Variants in WWOX observed in about 807,000 individuals in gnomAD.
The protein encoded by WWOX is WW domain containing oxidoreductase.
WWOX carries 69 observed loss-of-function variants against 46.2 expected under a neutral mutation model. The observed-to-expected ratio is 1.49, with a 90% CI of 1.23 to 1.82. WWOX has a LOEUF of 1.82. WWOX is among the 40% of genes most tolerant of loss of function. WWOX has a pLI of 0.00. For missense variants in WWOX, 919 were observed against 542.6 expected (o/e 1.69, Z -6.89); for synonymous variants, 359 against 202.6 (o/e 1.77, Z -6.56).
At chr16:78,414,414 C>A (rs370440212) in intron 6 of WWOX, among the ~76,000 whole-genome samples, 1 of 152,102 alleles carries the variant, frequency 6.6e-6, no homozygotes, top group African/African-American at 2.4e-5. Context: ...ACTAAAAATA[C>A]AAAAATTAGC....
chr16:79,175,219 A>G (rs1213525215), intron 8 of WWOX, among the ~76,000 whole-genome samples: 1 of 152,226 alleles, frequency 6.6e-6, no homozygotes, highest in East Asian at 1.9e-4. Context: ...GAACGAAGGC[A>G]TTTGAAAATT....
chr16:78,582,091 T>C (rs1404162806), intron 8 of WWOX, among the ~76,000 whole-genome samples: 1 of 152,224 alleles, frequency 6.6e-6, no homozygotes, highest in Admixed American at 6.5e-5. Flanking sequence ...ATCTTTGGTT[T>C]CTCTGCTCTA....
At chr16:78,467,092 A>C (rs76787879) in intron 8 of WWOX, among the ~76,000 whole-genome samples, 4,066 of 152,316 alleles carry the variant, frequency 0.027, 204 homozygotes, top group African/African-American at 0.094. Flanking sequence ...TAATGTATAC[A>C]TTGAAAAATC....
intron 8 of WWOX, among the ~76,000 whole-genome samples, chr16:78,965,967 G>T (rs927833396): frequency 6.6e-6 from 1 of 152,132 alleles, no homozygotes; most frequent in Non-Finnish European, 1.5e-5. Context: ...TTGGAGGAAG[G>T]AGATGCTGTG....
At chr16:78,901,441 C>A (rs892878588) in intron 8 of WWOX, among the ~76,000 whole-genome samples, 1 of 152,150 alleles carries the variant, frequency 6.6e-6, no homozygotes, top group Admixed American at 6.5e-5. Context: ...ACTTCTGTTT[C>A]ATTTTCTGTT....
Position 78,408,168 on chromosome 16 carries a change from A to C in WWOX, c.606-16702A>C, listed in dbSNP as rs146489870. Among the ~76,000 whole-genome samples the C allele has an allele frequency of 3.4e-3, 525 of 152,312 alleles. 2 individuals carry two copies. The highest frequency in any genetic ancestry group is 5.7e-3 in the Non-Finnish European group (390 of 68,030). On this transcript the variant is annotated intron_variant, in intron 6 of 8. Coordinates refer to ENST00000566780, the MANE Select transcript of WWOX (RefSeq NM_016373.4). Reference sequence around the variant, plus strand: ...AAGCTACAAGTTAAATCCTCGGACCAGATTGAGAACTTGTCTTCTTACTTG... The same window carrying C: ...AAGCTACAAGTTAAATCCTCGGACCCGATTGAGAACTTGTCTTCTTACTTG...
chr16:78,553,035 C>T (rs1413234685), intron 8 of WWOX: 1 of 152,174 alleles, frequency 6.6e-6, no homozygotes, highest in Non-Finnish European at 1.5e-5. Context: ...AACAGAAAAC[C>T]AAATACCGCA....
intron 8 of WWOX, among the ~76,000 whole-genome samples, chr16:78,523,209 T>G (rs1766066061): frequency 6.6e-6 from 1 of 152,354 alleles, no homozygotes. Context: ...AATTACCATC[T>G]TCATTTAAAG....
chr16:78,940,951 C>T (rs1296368470), intron 8 of WWOX, among the ~76,000 whole-genome samples: 1 of 151,914 alleles, frequency 6.6e-6, no homozygotes, highest in African/African-American at 2.4e-5. Context: ...GCCCCCCCAC[C>T]CCATCCCACT....
At chr16:78,923,407 A>G (rs564472220) in intron 8 of WWOX, among the ~76,000 whole-genome samples, 7 of 152,170 alleles carry the variant, frequency 4.6e-5, no homozygotes, top group East Asian at 1.9e-4. Flanking sequence ...ATTTTCTTCT[A>G]TATAAGTCCC....
intron 8 of WWOX, among the ~76,000 whole-genome samples, chr16:78,824,592 C>T (rs2051597057): frequency 6.6e-6 from 1 of 152,004 alleles, no homozygotes; most frequent in Non-Finnish European, 1.5e-5. Context: ...GCTGGGGAGG[C>T]CTCAGAATCA....
chr16:78,526,767 G>C (rs1193055897), intron 8 of WWOX, among the ~76,000 whole-genome samples: 3 of 152,174 alleles, frequency 2.0e-5, no homozygotes, highest in East Asian at 3.9e-4. Context: ...GGGCAACAGG[G>C]GCAGTGGGTC....
intron 8 of WWOX, among the ~76,000 whole-genome samples, chr16:78,523,116 G>A (rs936227064): frequency 3.3e-5 from 5 of 152,076 alleles, no homozygotes; most frequent in African/African-American, 9.7e-5. Flanking sequence ...ACACTGGTAC[G>A]AGAAGAAATT....
intron 8 of WWOX, among the ~76,000 whole-genome samples, chr16:79,165,182 T>A (rs1421733277): frequency 5.3e-5 from 8 of 151,146 alleles, no homozygotes; most frequent in Non-Finnish European, 1.2e-4. Context: ...TAAATCTCCC[T>A]GGACATGAAC....
chr16:78,307,997 G>A (rs2080164795), intron 5 of WWOX, among the ~76,000 whole-genome samples: 1 of 152,202 alleles, frequency 6.6e-6, no homozygotes, highest in Non-Finnish European at 1.5e-5. Context: ...GCAGCTGATG[G>A]AGGAAGGGGG....
chr16:79,089,897 C>T (rs1421910604), intron 8 of WWOX, among the ~76,000 whole-genome samples: 5 of 150,204 alleles, frequency 3.3e-5, no homozygotes, highest in Admixed American at 1.3e-4. Context: ...GGCTTGGGTG[C>T]CTGAGAAAAA....
chr16:79,194,327 G>A (rs1399799470), intron 8 of WWOX, among the ~76,000 whole-genome samples: 2 of 152,158 alleles, frequency 1.3e-5, no homozygotes, highest in East Asian at 3.8e-4. Flanking sequence ...TCCTTTTAGA[G>A]AAATATTCTC....
intron 8 of WWOX, among the ~76,000 whole-genome samples, chr16:78,668,613 G>A (rs907038932): frequency 1.3e-5 from 2 of 152,146 alleles, no homozygotes; most frequent in African/African-American, 4.8e-5. Context: ...GTTATCTGCG[G>A]GGAACAGGTG....
intron 5 of WWOX, among the ~76,000 whole-genome samples, chr16:78,370,954 G>A (rs1286149705): frequency 6.8e-6 from 1 of 146,820 alleles, no homozygotes; most frequent in African/African-American, 2.5e-5. Context: ...TAGAGGTCAG[G>A]TTGCTCTGAG....
Sources: gnomAD v4.1 joint callset for allele counts (sites outside exome capture counted in the v4.1 genomes callset) on GRCh38, gnomAD v4.1.1 for gene constraint, MANE v1.5 for transcripts, NCBI Gene and HGNC (gene_info 2026-07-23, HGNC 2026-07-21) for gene names.